The following LMOD1 variants were observed in gnomAD, a reference collection of about 807,000 sequenced individuals.
The protein encoded by LMOD1 is leiomodin-1.
In LMOD1, 8 loss-of-function variants were observed where a neutral mutation model predicts 36.5. That is an observed-to-expected ratio of 0.22 (90% confidence interval 0.13 to 0.40). The LOEUF is 0.40. Ranked by LOEUF, LMOD1 falls within the 10% of genes least tolerant of loss-of-function variation. The probability of loss-of-function intolerance (pLI) is 1.00; values close to 1 mark genes in which losing one functional copy is unlikely to be tolerated. For missense variants in LMOD1, 630 were observed against 751.1 expected, an observed-to-expected ratio of 0.84 and a Z score of 1.88; for synonymous variants, 284 against 288.7, an observed-to-expected ratio of 0.98 and a Z score of 0.17.
At chr1:201,942,478 A>G (rs1008036825) in intron 1 of LMOD1, among the ~76,000 whole-genome samples, 1 of 152,102 alleles carries the variant, frequency 6.6e-6, no homozygotes. Context: ...AAGATGGTAA[A>G]CAATCAGGAG....
At chr1:201,902,948 C>A (rs1681356136) in intron 1 of LMOD1, among the ~76,000 whole-genome samples, 1 of 152,152 alleles carries the variant, frequency 6.6e-6, no homozygotes, top group African/African-American at 2.4e-5. Context: ...GACCCCAGAG[C>A]AACTGGGACT....
intron 1 of LMOD1, among the ~76,000 whole-genome samples, chr1:201,928,286 C>T (rs922525362): frequency 5.9e-5 from 9 of 152,270 alleles, no homozygotes; most frequent in East Asian, 1.9e-4. Flanking sequence ...TTTTTTCCAG[C>T]GCTTAATTCT....
At chr1:201,933,595 T>TTATATATATATATAAA in intron 1 of LMOD1, among the ~76,000 whole-genome samples, 1 of 63,220 alleles carries the variant, frequency 1.6e-5, no homozygotes, top group Admixed American at 1.8e-4. Flanking sequence ...TATACATACA[T>TTATATATATATATAAA]TATATATATA....
intron 1 of LMOD1, among the ~76,000 whole-genome samples, chr1:201,937,359 A>T (rs1343771220): frequency 6.6e-6 from 1 of 152,132 alleles, no homozygotes; most frequent in African/African-American, 2.4e-5. Context: ...AGGCAGGAGG[A>T]TCCCTTGAGC....
Position 201,899,197 on chromosome 1 carries a change from C to T in LMOD1, c.1776+40G>A. 6.5e-7 allele frequency: 1 copy of T among 1,530,044 alleles called. No homozygotes were observed. Among genetic ancestry groups the T allele is most frequent in the East Asian group, 2.3e-5 (1 of 43,814 alleles). 94.8% of individuals were successfully genotyped at this position (1,530,044 alleles called of 1,614,324 possible). ...GTCCTACCCTCTCCTCCAGGCCCTA[C>T]CCAGCCCCGCCCTGTTGGCTCATGC... On this transcript the variant is annotated intron_variant, in intron 2 of 2. Transcript: ENST00000367288. The surrounding 1 kb of genome is among the most constrained non-coding windows in gnomAD (Gnocchi z 6.3).
Position 201,896,710 on chromosome 1 carries a change from G to A in LMOD1, c.*1662C>T, listed in dbSNP as rs1212890444. 4.4e-6 allele frequency: 2 copies of A among 456,480 alleles called. No homozygotes were observed. Among genetic ancestry groups the A allele is most frequent in the Non-Finnish European group, 8.8e-6 (2 of 226,966 alleles). 28.3% of individuals were successfully genotyped at this position (456,480 alleles called of 1,614,324 possible). ...TCATACCCTTTAGGTCCAGGAGCCA[G>A]TGTGTGTCTGTCTCCTCTCCTCTGG... On this transcript the variant is annotated 3_prime_UTR_variant, in exon 3 of 3. Coordinates refer to ENST00000367288, the MANE Select transcript of LMOD1 (RefSeq NM_012134.3).
At chr1:201,930,983 G>A (rs1298466455) in intron 1 of LMOD1, among the ~76,000 whole-genome samples, 3 of 152,226 alleles carry the variant, frequency 2.0e-5, no homozygotes, top group African/African-American at 7.2e-5. Context: ...ACCTCATCAA[G>A]GCTGATGTCT....
chr1:201,928,426 A>G (rs1197665866), intron 1 of LMOD1, among the ~76,000 whole-genome samples: 1 of 152,188 alleles, frequency 6.6e-6, no homozygotes, highest in Non-Finnish European at 1.5e-5. Context: ...CCAGCTGCAG[A>G]ATTGGTATAT....
chr1:201,901,564 GTATATATA>G (rs1275880446), intron 1 of LMOD1, among the ~76,000 whole-genome samples: 402 of 39,054 alleles, frequency 0.01, 51 homozygotes, highest in African/African-American at 0.035. Context: ...ATATATATAT[GTATATATA>G]TATATATATA....
chr1:201,913,377 G>A (rs938684890), intron 1 of LMOD1, among the ~76,000 whole-genome samples: 6 of 152,122 alleles, frequency 3.9e-5, no homozygotes, highest in African/African-American at 1.2e-4. Flanking sequence ...AGGCCGAGGC[G>A]GGTGGATCAC....
intron 1 of LMOD1, among the ~76,000 whole-genome samples, chr1:201,917,520 A>G (rs2047263): frequency 0.035 from 5,379 of 152,218 alleles, 280 homozygotes; most frequent in East Asian, 0.26. Flanking sequence ...TCGGCCAATG[A>G]AGGGTCAACT....
At chr1:201,929,521 C>A (rs1191610866) in intron 1 of LMOD1, among the ~76,000 whole-genome samples, 1 of 152,164 alleles carries the variant, frequency 6.6e-6, no homozygotes, top group Non-Finnish European at 1.5e-5. Flanking sequence ...ATTCAGACCT[C>A]AGAGTGTAAA....
At chr1:201,911,013 T>C (rs1357133460) in intron 1 of LMOD1, among the ~76,000 whole-genome samples, 1 of 152,122 alleles carries the variant, frequency 6.6e-6, no homozygotes, top group Non-Finnish European at 1.5e-5. Flanking sequence ...TTAACTACTA[T>C]GCTGTGCTCC....
rs1681211860 is a variant in LMOD1, at chr1:201,897,256, C to G, written c.*1116G>C. 5.7e-6 allele frequency: 1 copy of G among 176,252 alleles called. No homozygotes were observed. Among genetic ancestry groups the G allele is most frequent in the Non-Finnish European group, 1.2e-5 (1 of 80,992 alleles). The allele number at this position is 176,252 out of a possible 1,614,324, so 10.9% of individuals were successfully genotyped here. A position where few individuals can be genotyped will look rare whatever the true frequency, so the allele number is the denominator to read the frequency against. ...CCTGGGCCTGTGACTGCTGTGAGGA[C>G]CTGGCCCTGAGCCCATGGTTAGGCA... On this transcript the variant is annotated 3_prime_UTR_variant, in exon 3 of 3. Transcript: ENST00000367288.
At chr1:201,914,139 C>T (rs1184480957) in intron 1 of LMOD1, among the ~76,000 whole-genome samples, 1 of 152,152 alleles carries the variant, frequency 6.6e-6, no homozygotes, top group African/African-American at 2.4e-5. Flanking sequence ...ATCCTCAACC[C>T]CAGTCACACG....
At chr1:201,940,312 G>C (rs530898114) in intron 1 of LMOD1, among the ~76,000 whole-genome samples, 2 of 142,144 alleles carry the variant, frequency 1.4e-5, no homozygotes, top group East Asian at 2.3e-4. Flanking sequence ...TCAGCCTCCC[G>C]AGCAGCTGGG....
In LMOD1 at chr1:201,929,485, A is replaced by G. The variant is rs143780671; in HGVS notation, c.261+16595T>C. On this transcript the variant is annotated intron_variant, in intron 1 of 2. Transcript: ENST00000367288. ...GTGGAACAAGTTTAAACTGAAGGGG[A>G]AATATGGCAGTGATCTATCCCAACA... Among the ~76,000 whole-genome samples, 1,454 of 152,328 alleles carry G rather than the reference A, an allele frequency of 9.5e-3. 16 individuals are homozygous for G. The highest frequency in any genetic ancestry group is 0.044 in the Middle Eastern group (13 of 294).
intron 1 of LMOD1, among the ~76,000 whole-genome samples, chr1:201,905,434 ATGC>A (rs1681396507): frequency 6.6e-6 from 1 of 152,212 alleles, no homozygotes; most frequent in Non-Finnish European, 1.5e-5. Context: ...GGCCCTTCTG[ATGC>A]TGCTTTCTTT....
chr1:201,910,741 A>ATTTTTTTT (rs1454275213), intron 1 of LMOD1, among the ~76,000 whole-genome samples: 8 of 28,266 alleles, frequency 2.8e-4, no homozygotes, highest in Non-Finnish European at 4.8e-4. Context: ...AGATGGTGTC[A>ATTTTTTTT]TTCTTTTTTT....
Sources: allele counts gnomAD v4.1 joint callset (sites outside exome capture counted in the v4.1 genomes callset), GRCh38; gene constraint gnomAD v4.1.1; non-coding constraint Gnocchi (gnomAD v3.1); transcripts MANE v1.5; gene names NCBI Gene and HGNC (gene_info 2026-07-23, HGNC 2026-07-21).